Variants in TENM2 observed in about 807,000 individuals in gnomAD.
The protein encoded by TENM2 is teneurin transmembrane protein 2, also known as teneurin-2.
A neutral mutation model predicts 245.2 loss-of-function variants in TENM2; 52 were observed. That is an observed-to-expected ratio of 0.21 (90% CI 0.17 to 0.27). TENM2 has a LOEUF of 0.27. Ranked by LOEUF, TENM2 falls within the 10% of genes least tolerant of loss-of-function variation. The pLI is 1.00. For missense variants in TENM2, 3,046 were observed against 3,666.8 expected (o/e 0.83, Z 4.37); for synonymous variants, 1,363 against 1,438.9 (o/e 0.95, Z 1.19).
chr5:167,493,885 G>A (rs1230581115), intron 2 of TENM2, among the ~76,000 whole-genome samples: 1 of 152,072 alleles, frequency 6.6e-6, no homozygotes, highest in Non-Finnish European at 1.5e-5. Flanking sequence ...AAAATAGGGT[G>A]GTAGGCATAA....
chr5:167,139,352 A>G, the TENM2 span, among the ~76,000 whole-genome samples: 1 of 152,344 alleles, frequency 6.6e-6, no homozygotes, highest in East Asian at 1.9e-4. Context: ...TTGTTTTGGA[A>G]AGAAAGGTTT....
At chr5:167,283,321 G>T (rs1027079200), upstream of TENM2, among the ~76,000 whole-genome samples, 3 of 151,954 alleles carry the variant, frequency 2.0e-5, no homozygotes, top group African/African-American at 7.3e-5. Context: ...ACAGACATGA[G>T]CCACCGCGCC....
intron 5 of TENM2, among the ~76,000 whole-genome samples, chr5:168,001,960 T>G (rs948338432): frequency 2.6e-5 from 4 of 152,242 alleles, no homozygotes; most frequent in African/African-American, 9.6e-5. Flanking sequence ...AATAAGTAAA[T>G]ATCACACTGT....
At chr5:167,670,987 A>G (rs1342675699) in intron 2 of TENM2, among the ~76,000 whole-genome samples, 1 of 152,112 alleles carries the variant, frequency 6.6e-6, no homozygotes, top group Non-Finnish European at 1.5e-5. Flanking sequence ...AAATTAATTA[A>G]AGGGACTCTT....
chr5:168,041,281 G>A (rs1162038460), intron 5 of TENM2, among the ~76,000 whole-genome samples: 2 of 152,144 alleles, frequency 1.3e-5, no homozygotes, highest in African/African-American at 4.8e-5. Context: ...TCTATAAAAT[G>A]TAGATTATAT....
chr5:167,607,847 A>G (rs559637891), intron 2 of TENM2, among the ~76,000 whole-genome samples: 3 of 152,212 alleles, frequency 2.0e-5, no homozygotes, highest in Admixed American at 6.5e-5. Flanking sequence ...GCCTCAAAGA[A>G]TATCGTGGAA....
At chr5:168,094,160 CA>C (rs1793171903) in intron 8 of TENM2, among the ~76,000 whole-genome samples, 1 of 152,124 alleles carries the variant, frequency 6.6e-6, no homozygotes, top group Non-Finnish European at 1.5e-5. Flanking sequence ...ATAAGAATTA[CA>C]GGAGCAAAGA....
chr5:167,546,213 A>C (rs1772551331), intron 2 of TENM2, among the ~76,000 whole-genome samples: 2 of 152,182 alleles, frequency 1.3e-5, no homozygotes, highest in South Asian at 4.1e-4. Flanking sequence ...TGGACCACCT[A>C]ATGGAGAACA....
intron 9 of TENM2, among the ~76,000 whole-genome samples, chr5:168,108,094 G>A (rs971963993): frequency 1.3e-5 from 2 of 152,220 alleles, no homozygotes; most frequent in South Asian, 2.1e-4. Context: ...GCTTGAAAAT[G>A]TCACAAGAAC....
intron 2 of TENM2, among the ~76,000 whole-genome samples, chr5:167,558,188 T>C (rs1239923564): frequency 6.6e-6 from 1 of 152,182 alleles, no homozygotes; most frequent in Admixed American, 6.5e-5. Context: ...GGTCTGACTT[T>C]GAATTTTCTG....
At chr5:167,840,472 A>T (rs79627790) in intron 2 of TENM2, among the ~76,000 whole-genome samples, 2,381 of 152,322 alleles carry the variant, frequency 0.016, 58 homozygotes, top group African/African-American at 0.053. Flanking sequence ...TGCAGACATA[A>T]AAATGAACCC....
At position 167,672,849 on chromosome 5, in the gene TENM2, G is replaced by T. The variant is rs930006907; in HGVS notation, c.503-203137G>T. On this transcript the variant is annotated intron_variant, in intron 2 of 28. Coordinates refer to ENST00000518659, the Ensembl canonical transcript of TENM2. Reference sequence around the variant, plus strand: ...ATTCCAACAGAAAAACTTTGCTAAGGATAGCTAATGAAAAGTAAGCCAAAA... The same window carrying T: ...ATTCCAACAGAAAAACTTTGCTAAGTATAGCTAATGAAAAGTAAGCCAAAA... 6.0e-5 allele frequency among the ~76,000 whole-genome samples: 9 copies of T among 149,566 alleles called. No individual in the cohort carries two copies. The Admixed American group carries it at 6.0e-4, about 10-fold the overall frequency.
At chr5:167,961,845 T>C (rs1781036086) in intron 4 of TENM2, among the ~76,000 whole-genome samples, 1 of 152,196 alleles carries the variant, frequency 6.6e-6, no homozygotes, top group African/African-American at 2.4e-5. Flanking sequence ...TGGTGGAATG[T>C]CTGATGGGTG....
intron 2 of TENM2, among the ~76,000 whole-genome samples, chr5:167,549,069 A>G (rs1772759239): frequency 6.6e-6 from 1 of 152,100 alleles, no homozygotes; most frequent in Admixed American, 6.5e-5. Flanking sequence ...TTCTAGAAGT[A>G]TCTATCGCAA....
At chr5:167,886,647 G>A (rs1236489247) in intron 3 of TENM2, among the ~76,000 whole-genome samples, 3 of 152,168 alleles carry the variant, frequency 2.0e-5, no homozygotes, top group Non-Finnish European at 4.4e-5. Context: ...GAAGAAATTG[G>A]CGGTGATAGA....
At chr5:168,064,291 T>C (rs1161609391) in intron 7 of TENM2, among the ~76,000 whole-genome samples, 2 of 152,172 alleles carry the variant, frequency 1.3e-5, no homozygotes, top group African/African-American at 2.4e-5. Context: ...ATCGGCATTA[T>C]TGAGGTAACT....
At chr5:167,080,224 A>G in the TENM2 span, among the ~76,000 whole-genome samples, 1 of 152,206 alleles carries the variant, frequency 6.6e-6, no homozygotes, top group Non-Finnish European at 1.5e-5. Context: ...TTAATAATTC[A>G]TAAATGATAA....
rs1463024619 is a variant in TENM2, at chr5:167,706,329, TAGAAAATGTGATACAGTATATATA to T, written c.503-169618_503-169595del. Among the ~76,000 whole-genome samples, 38 of 147,568 alleles carry T rather than the reference TAGAAAATGTGATACAGTATATATA, an allele frequency of 2.6e-4. No individual in the cohort carries two copies. The East Asian group carries it at 4.1e-3, about 16-fold the overall frequency. ...ACAGTATATATAAGAAAATATATATTAGAAAATGTGATACAGTATATATAAGAAAATGTGATACAGTATATATAA... is the reference window on the plus strand; with the variant it reads ...ACAGTATATATAAGAAAATATATATTAGAAAATGTGATACAGTATATATAA... On this transcript the variant is annotated intron_variant, in intron 2 of 28. Transcript: ENST00000518659.
At chr5:167,074,632 A>G in the TENM2 span, among the ~76,000 whole-genome samples, 1 of 152,232 alleles carries the variant, frequency 6.6e-6, no homozygotes, top group Non-Finnish European at 1.5e-5. Flanking sequence ...CTCCATTTTG[A>G]TGGCGAAGTA....
Sources: allele counts gnomAD v4.1 joint callset (sites outside exome capture counted in the v4.1 genomes callset), GRCh38; gene constraint gnomAD v4.1.1; transcripts MANE v1.5; gene names NCBI Gene and HGNC (gene_info 2026-07-23, HGNC 2026-07-21).